Variants in ABCC11 observed in about 807,000 individuals in gnomAD.
ABCC11 encodes the protein ATP-binding cassette sub-family C member 11.
In ABCC11, 135 loss-of-function variants were observed where a neutral mutation model predicts 149.3. The observed-to-expected ratio is 0.90, with a 90% confidence interval of 0.79 to 1.04. The LOEUF is 1.04. Among genes scored for constraint, ABCC11 ranks in the 50% least tolerant of loss-of-function variants. The pLI is 0.00. For missense variants in ABCC11, 1,680 were observed against 1,722.1 expected, an observed-to-expected ratio of 0.98 and a Z score of 0.43; for synonymous variants, 665 against 671.4, an observed-to-expected ratio of 0.99 and a Z score of 0.15.
At chr16:48,203,515 A>T (rs1968179081) in intron 13 of ABCC11, among the ~76,000 whole-genome samples, 1 of 152,222 alleles carries the variant, frequency 6.6e-6, no homozygotes, top group Non-Finnish European at 1.5e-5. Context: ...CAGAATAAAA[A>T]GATGCAATAA....
At chr16:48,208,118 A>C (rs1968601402) in intron 12 of ABCC11, among the ~76,000 whole-genome samples, 1 of 152,072 alleles carries the variant, frequency 6.6e-6, no homozygotes. Context: ...CTGTGAAATA[A>C]TTTGTATGAT....
intron 25 of ABCC11, 143 bp from the exon 26 acceptor site, chr16:48,175,560 G>T: frequency 1.0e-6 from 1 of 1,004,608 alleles, no homozygotes; most frequent in Non-Finnish European, 1.4e-6. Context: ...GTAGGAGAGG[G>T]CTGGCGTCCC....
intron 22 of ABCC11, among the ~76,000 whole-genome samples, chr16:48,184,862 G>A (rs1045029205): frequency 1.3e-5 from 2 of 152,234 alleles, no homozygotes; most frequent in African/African-American, 4.8e-5. Flanking sequence ...CCCATCCTTA[G>A]CACGCGCTCC....
rs1390288738 is a variant in ABCC11 at position 48,211,116 on chromosome 16, G to C, written c.1440C>G (p.Thr480=). The C allele has an allele frequency of 7.4e-6, 12 of 1,614,064 alleles. No homozygotes were observed. The highest frequency in any genetic ancestry group is 8.5e-6 in the Non-Finnish European group (10 of 1,180,042). Residue 480 remains threonine, a synonymous_variant, in exon 11 of 30, where the codon ACC becomes ACG. Transcript: ENST00000356608. ...CGGGACAGGTCTGTTGCCATGACAA[G>C]GTGGCCTCCTCAAAGACCAGAGCTT... The part of the protein sequence containing the change: ...PSKALVFEEA[T]LSWQQTCPGI...
At chr16:48,224,042 C>CA (rs1219683358) in intron 5 of ABCC11, among the ~76,000 whole-genome samples, 3 of 152,096 alleles carry the variant, frequency 2.0e-5, no homozygotes, top group Non-Finnish European at 4.4e-5. Flanking sequence ...AGAAGTCACC[C>CA]AGCAGCTAAG....
chr16:48,228,392 G>A (rs950972621), intron 3 of ABCC11, among the ~76,000 whole-genome samples: 3 of 151,948 alleles, frequency 2.0e-5, no homozygotes, highest in Admixed American at 6.6e-5. Context: ...TCAGGAGTTC[G>A]AGACCAGCCG....
In ABCC11 at chr16:48,192,548, G is replaced by A. The variant is rs549484746; in HGVS notation, c.2678C>T (p.Thr893Met). 3 of 1,614,250 alleles carry A rather than the reference G, an allele frequency of 1.9e-6. No homozygotes were observed. The highest frequency in any genetic ancestry group is 1.7e-5 in the Admixed American group (1 of 60,028). The change falls in exon 20 of 30, where the codon ACG becomes ATG. Residue 893 changes from threonine (T) to methionine (M), a missense_variant. By Grantham distance (81) the Thr-to-Met change is moderately conservative. Transcript: ENST00000356608. Reference protein sequence around the residue: ...IFTKVTRKASTALHNKLFNKV... With the variant: ...IFTKVTRKASMALHNKLFNKV... ...GTTGAAGAGCTTGTTGTGCAGGGCCGTGGATGCCTTCCTCGTGACCTTGGT... is the reference window on the plus strand; with the variant it reads ...GTTGAAGAGCTTGTTGTGCAGGGCCATGGATGCCTTCCTCGTGACCTTGGT...
intron 26 of ABCC11, among the ~76,000 whole-genome samples, chr16:48,172,630 T>C (rs565859136): frequency 6.6e-6 from 1 of 152,312 alleles, no homozygotes; most frequent in African/African-American, 2.4e-5. Flanking sequence ...GCCAAATTGT[T>C]TTCCATGGTC....
chr16:48,168,422 G>C (rs1054956139), intron 28 of ABCC11, among the ~76,000 whole-genome samples: 5 of 152,194 alleles, frequency 3.3e-5, no homozygotes, highest in African/African-American at 7.2e-5. Context: ...GCCCCACTGA[G>C]CTCTTTTCCC....
intron 15 of ABCC11, among the ~76,000 whole-genome samples, chr16:48,199,483 G>A (rs1478025412): frequency 1.3e-5 from 2 of 151,998 alleles, no homozygotes; most frequent in Non-Finnish European, 2.9e-5. Flanking sequence ...AAGGCACTGT[G>A]GCCAATGCCA....
chr16:48,176,673 A>G (rs1227314830), intron 25 of ABCC11, among the ~76,000 whole-genome samples: 1 of 152,114 alleles, frequency 6.6e-6, no homozygotes, highest in Non-Finnish European at 1.5e-5. Context: ...GGCAGCCACC[A>G]CAGCCTGCAG....
rs976955072 is a variant in ABCC11, at chr16:48,178,787, C to A, written c.3259-101G>T. 69 of 980,654 alleles carry A rather than the reference C, an allele frequency of 7.0e-5. No homozygotes were observed. In the Admixed American group the frequency reaches 1.0e-3, roughly 15 times the overall value. The allele number at this position is 980,654 out of a possible 1,614,324, so 60.7% of individuals were successfully genotyped here. ...ACTGATTGCCATTGCCCCTGAGTGA[C>A]CCCTGAAACTAAGATAATTTTCCTA... On this transcript the variant is annotated intron_variant, in intron 23 of 29. Transcript: ENST00000356608.
chr16:48,205,647 C>T, intron 12 of ABCC11, 110 bp from the exon 13 acceptor site: 2 of 1,413,020 alleles, frequency 1.4e-6, no homozygotes, highest in Non-Finnish European at 1.9e-6. Context: ...ACCTTGGGGG[C>T]TCTCCTAGGT....
intron 4 of ABCC11, 133 bp from the exon 5 acceptor site, chr16:48,224,562 G>C (rs1353552417): frequency 1.0e-6 from 1 of 956,992 alleles, no homozygotes; most frequent in African/African-American, 1.7e-5. Flanking sequence ...GTAATCTTCT[G>C]AGTACTCATC....
rs200305102 is a variant in ABCC11, at chr16:48,196,331, G to T, written c.2315-10C>A. 1 of 1,612,966 alleles carries T rather than the reference G, an allele frequency of 6.2e-7. No individual in the cohort carries two copies. The highest frequency in any genetic ancestry group is 1.7e-5 in the Admixed American group (1 of 59,884). On this transcript the variant is annotated splice_polypyrimidine_tract_variant and intron_variant, in intron 17 of 29. Transcript: ENST00000356608. ...AGCTGATGCTCCGGCACTGGGTCAG[G>T]GTAGAAGAAGAGAAAAGTGGTATGC...
intron 23 of ABCC11, among the ~76,000 whole-genome samples, chr16:48,182,437 G>A (rs1196832444): frequency 6.6e-6 from 1 of 151,942 alleles, no homozygotes; most frequent in African/African-American, 2.4e-5. Flanking sequence ...CTCTCTTCCA[G>A]GCATTCAGTG....
At chr16:48,230,613 C>A in intron 2 of ABCC11, 40 bp from the exon 3 acceptor site, 1 of 1,506,156 alleles carries the variant, frequency 6.6e-7, no homozygotes, top group South Asian at 1.3e-5. Flanking sequence ...TTTCAAATCT[C>A]GTAAATTCTG....
chr16:48,227,912 C>T lies in ABCC11; in HGVS notation c.289G>A (p.Val97Met), dbSNP rs758156173. The T allele has an allele frequency of 4.6e-5, 74 of 1,613,850 alleles. 1 individual carries two copies. The highest frequency in any genetic ancestry group is 5.8e-5 in the Non-Finnish European group (69 of 1,179,984). The part of the protein sequence containing the change: ...DNAGLFSYLT[V>M]SWLTPLMIQS... ...ATCATGAGCGGGGTGAGCCATGACACGGTGAGGTAGGAGAACAGGCCAGCA... is the reference window on the plus strand; with the variant it reads ...ATCATGAGCGGGGTGAGCCATGACATGGTGAGGTAGGAGAACAGGCCAGCA... The change falls in exon 4 of 30, where the codon GTG becomes ATG. Residue 97 changes from valine to methionine, a missense_variant. By Grantham distance (21) the Val-to-Met change is conservative. Coordinates refer to ENST00000356608, the MANE Select transcript of ABCC11 (RefSeq NM_001370497.1).
intron 6 of ABCC11, among the ~76,000 whole-genome samples, chr16:48,219,169 G>GTTTTTTTT (rs59995920): frequency 7.4e-6 from 1 of 134,562 alleles, no homozygotes. Flanking sequence ...TTGGTTTTGG[G>GTTTTTTTT]TTTTTTTTTT....
Sources: gnomAD v4.1 joint callset for allele counts (sites outside exome capture counted in the v4.1 genomes callset) on GRCh38, gnomAD v4.1.1 for gene constraint, MANE v1.5 for transcripts, NCBI Gene and HGNC (gene_info 2026-07-23, HGNC 2026-07-21) for gene names.